CERKL: variants seen among roughly 807,000 people sequenced by gnomAD.
CERKL encodes the protein CERK like autophagy regulator, also known as ceramide kinase-like protein.
Under a neutral mutation model 63.4 loss-of-function variants are expected in CERKL, and 61 were observed. The ratio of observed to expected loss-of-function variants is 0.96; its 90% CI spans 0.78 to 1.19. The LOEUF (loss-of-function observed/expected upper bound fraction) is 1.19. Among genes scored for constraint, CERKL ranks in the 50% most tolerant of loss-of-function variants. CERKL has a pLI of 0.00. For synonymous variants in CERKL, 250 were observed against 230.5 expected (o/e 1.08, Z -0.77); for missense variants, 675 against 655.5 (o/e 1.03, Z -0.33).
At chr2:181,615,262 C>G (rs894058110) in intron 1 of CERKL, among the ~76,000 whole-genome samples, 2 of 152,130 alleles carry the variant, frequency 1.3e-5, no homozygotes, top group African/African-American at 2.4e-5. Context: ...GAGAGCAAAG[C>G]GGGACCTGCT....
chr2:181,537,213 ACTGTCTTCTCCAGGATGGTCTC>A lies in CERKL; in HGVS notation c.*949_*970del. 2.2e-6 allele frequency: 1 copy of A among 453,902 alleles called. No individual in the cohort carries two copies. 28.1% of individuals were successfully genotyped at this position (453,902 alleles called of 1,614,324 possible). The stretch of plus-strand genomic sequence containing the variant: ...ATGAAAAATCAAGCCCCGATTTAGA[ACTGTCTTCTCCAGGATGGTCTC>A]TAAGGAAATTTACATTTGGTTCTTT... On this transcript the variant is annotated 3_prime_UTR_variant, in exon 13 of 13. Coordinates refer to ENST00000410087, the MANE Select transcript of CERKL (RefSeq NM_201548.5).
chr2:181,553,448 A>T (rs1030646450), intron 5 of CERKL, among the ~76,000 whole-genome samples: 7 of 152,208 alleles, frequency 4.6e-5, no homozygotes, highest in Non-Finnish European at 1.0e-4. Context: ...GTAGACCGTA[A>T]AAGCATTCCT....
rs144641281 is a variant in CERKL, at chr2:181,593,132, T to C, written c.481+10705A>G. 3.8e-3 allele frequency among the ~76,000 whole-genome samples: 580 copies of C among 152,214 alleles called. 8 individuals carry two copies. The highest frequency in any genetic ancestry group is 0.013 in the African/African-American group (540 of 41,548). ...GGCATTATCAACTTCCCTTTACAGA[T>C]AGGAGACCATAGAAGACATAAAGAC... On this transcript the variant is annotated intron_variant, in intron 2 of 12. Transcript: ENST00000410087.
intron 2 of CERKL, among the ~76,000 whole-genome samples, chr2:181,576,255 G>A (rs530630711): frequency 6.6e-6 from 1 of 152,266 alleles, no homozygotes; most frequent in Non-Finnish European, 1.5e-5. Flanking sequence ...TACTGATTCA[G>A]GTAAGAATCA....
In CERKL at chr2:181,536,976, TGAAAGTTATC is replaced by T. The variant is rs748892869; in HGVS notation, c.*1198_*1207del. The T allele has an allele frequency of 7.3e-5, 33 of 452,364 alleles. 1 individual carries two copies. The highest frequency in any genetic ancestry group is 5.0e-4 in the South Asian group (32 of 64,048). The allele number at this position is 452,364 out of a possible 1,614,324, so 28.0% of individuals were successfully genotyped here. ...GCCACTAGCCAGCCATCCTAATTGA[TGAAAGTTATC>T]TGTTCACAGGCCTGCAGTGATGGTG... is the stretch of plus-strand genomic sequence containing the variant. On this transcript the variant is annotated 3_prime_UTR_variant, in exon 13 of 13. Transcript: ENST00000410087.
At chr2:181,596,559 T>G (rs1413976041) in intron 2 of CERKL, among the ~76,000 whole-genome samples, 1 of 152,198 alleles carries the variant, frequency 6.6e-6, no homozygotes, top group Non-Finnish European at 1.5e-5. Context: ...CATAAACCAG[T>G]CATACAGTAA....
At chr2:181,604,454 GAAGAA>G (rs1482237535) in intron 1 of CERKL, among the ~76,000 whole-genome samples, 1 of 152,138 alleles carries the variant, frequency 6.6e-6, no homozygotes, top group Admixed American at 6.5e-5. Flanking sequence ...ATGGAAAGGG[GAAGAA>G]AAGAAAAATT....
intron 1 of CERKL, among the ~76,000 whole-genome samples, chr2:181,610,174 G>A (rs750323898): frequency 1.1e-4 from 16 of 152,036 alleles, no homozygotes; most frequent in Non-Finnish European, 1.5e-4. Flanking sequence ...CACTTTAATG[G>A]TAAAGTACAT....
intron 2 of CERKL, among the ~76,000 whole-genome samples, chr2:181,595,327 T>G (rs1389987887): frequency 1.3e-5 from 2 of 152,180 alleles, no homozygotes; most frequent in African/African-American, 4.8e-5. Context: ...GAGGAAACTT[T>G]TTTAAGTATT....
At chr2:181,586,300 T>A (rs1399952618) in intron 2 of CERKL, among the ~76,000 whole-genome samples, 1 of 152,162 alleles carries the variant, frequency 6.6e-6, no homozygotes, top group African/African-American at 2.4e-5. Context: ...AGTCATTAGG[T>A]ACAAATAACT....
chr2:181,537,103 TTTATGACA>T lies in CERKL; in HGVS notation c.*1073_*1080del. ...AGAGTGTGTATACACAGGAATAAAC[TTTATGACA>T]TTTATGTATTTTTAAAAAACTTTGT... On this transcript the variant is annotated 3_prime_UTR_variant, in exon 13 of 13. Transcript: ENST00000410087. 2.2e-6 allele frequency: 1 copy of T among 452,602 alleles called. No homozygotes were observed. Among genetic ancestry groups the T allele is most frequent in the Non-Finnish European group, 4.4e-6 (1 of 226,306 alleles). 28.0% of individuals were successfully genotyped at this position (452,602 alleles called of 1,614,324 possible).
At chr2:181,603,745 C>T (rs775066371) in intron 2 of CERKL, 92 bp downstream of exon 2, 2 of 1,272,424 alleles carry the variant, frequency 1.6e-6, no homozygotes, top group African/African-American at 1.5e-5. Flanking sequence ...ATCTCAACAT[C>T]ACTAAAGTTG....
chr2:181,636,188 A>G (rs1246720230), intron 1 of CERKL, among the ~76,000 whole-genome samples: 2 of 152,210 alleles, frequency 1.3e-5, no homozygotes, highest in Non-Finnish European at 2.9e-5. Flanking sequence ...ATATATTTCA[A>G]ATAAGATGCT....
At chr2:181,592,783 T>A (rs1685041961) in intron 2 of CERKL, among the ~76,000 whole-genome samples, 1 of 152,186 alleles carries the variant, frequency 6.6e-6, no homozygotes. Context: ...TAGTTTCTTG[T>A]CTCAGGGATG....
intron 1 of CERKL, among the ~76,000 whole-genome samples, chr2:181,606,810 T>C (rs1489133725): frequency 6.6e-6 from 1 of 152,140 alleles, no homozygotes; most frequent in Non-Finnish European, 1.5e-5. Flanking sequence ...TTACTATTAC[T>C]AAAATCACCA....
At chr2:181,651,736 G>A (rs1317624407) in intron 1 of CERKL, among the ~76,000 whole-genome samples, 2 of 150,098 alleles carry the variant, frequency 1.3e-5, no homozygotes, top group Admixed American at 1.3e-4. Context: ...AACTGTCCCT[G>A]TTTGCAGAAG....
At chr2:181,639,130 C>T (rs1344214850) in intron 1 of CERKL, among the ~76,000 whole-genome samples, 1 of 152,066 alleles carries the variant, frequency 6.6e-6, no homozygotes, top group Non-Finnish European at 1.5e-5. Flanking sequence ...ATATGTAAAA[C>T]TATAAAGATT....
intron 2 of CERKL, among the ~76,000 whole-genome samples, chr2:181,591,049 T>C (rs970455411): frequency 7.2e-5 from 11 of 152,126 alleles, no homozygotes; most frequent in Non-Finnish European, 1.3e-4. Flanking sequence ...GACAACACAA[T>C]GAAGTCTTAT....
intron 1 of CERKL, among the ~76,000 whole-genome samples, chr2:181,608,145 C>T (rs1685796953): frequency 6.6e-6 from 1 of 151,840 alleles, no homozygotes; most frequent in Non-Finnish European, 1.5e-5. Context: ...ACTGGGACCA[C>T]AGGTGTGCAT....
Sources: allele counts gnomAD v4.1 joint callset (sites outside exome capture counted in the v4.1 genomes callset), GRCh38; gene constraint gnomAD v4.1.1; transcripts MANE v1.5; gene names NCBI Gene and HGNC (gene_info 2026-07-23, HGNC 2026-07-21).